The following PKD1L1 variants were observed in gnomAD, a reference collection of about 807,000 sequenced individuals.
PKD1L1 encodes the protein polycystin-1-like protein 1.
Under a neutral mutation model 323.4 loss-of-function variants are expected in PKD1L1, and 236 were observed. The ratio of observed to expected loss-of-function variants is 0.73; its 90% CI spans 0.66 to 0.81. PKD1L1 has a LOEUF of 0.81. Ranked by LOEUF, PKD1L1 falls within the 40% of genes least tolerant of loss-of-function variation. The pLI, the probability that PKD1L1 is intolerant of heterozygous loss-of-function variation, is 0.00. For missense variants in PKD1L1, 3,320 were observed against 3,508.0 expected, an observed-to-expected ratio of 0.95 and a Z score of 1.35; for synonymous variants, 1,344 against 1,335.0, an observed-to-expected ratio of 1.01 and a Z score of -0.15.
At chr7:47,779,930 T>C (rs1401508389) in intron 56 of PKD1L1, among the ~76,000 whole-genome samples, 1 of 152,218 alleles carries the variant, frequency 6.6e-6, no homozygotes, top group African/African-American at 2.4e-5. Flanking sequence ...ATTCTCTTGT[T>C]TGCTAGGAAA....
intron 41 of PKD1L1, among the ~76,000 whole-genome samples, chr7:47,831,997 C>T (rs1286309835): frequency 6.6e-6 from 1 of 152,218 alleles, no homozygotes; most frequent in Non-Finnish European, 1.5e-5. Flanking sequence ...CCCCATACAG[C>T]TCTTCATACC....
chr7:47,788,050 A>G, intron 56 of PKD1L1, among the ~76,000 whole-genome samples: 1 of 152,046 alleles, frequency 6.6e-6, no homozygotes, highest in East Asian at 1.9e-4. Flanking sequence ...TTTGTCCTTA[A>G]CCTTAGTAGT....
chr7:47,936,474 A>G (rs1310043811), intron 4 of PKD1L1, among the ~76,000 whole-genome samples: 1 of 152,216 alleles, frequency 6.6e-6, no homozygotes, highest in Admixed American at 6.5e-5. Flanking sequence ...TTCAAGGTTC[A>G]TCGAATGCTG....
At chr7:47,923,201 C>T (rs994107782) in intron 7 of PKD1L1, among the ~76,000 whole-genome samples, 7 of 152,084 alleles carry the variant, frequency 4.6e-5, no homozygotes, top group African/African-American at 1.4e-4. Context: ...CTGCGGAAGG[C>T]GGTGGGGCCC....
intron 6 of PKD1L1, among the ~76,000 whole-genome samples, 175 bp downstream of exon 6, chr7:47,930,929 G>A (rs1285651271): frequency 6.6e-6 from 1 of 152,232 alleles, no homozygotes; most frequent in Non-Finnish European, 1.5e-5. Context: ...GTCCCTGATG[G>A]CAAACAGTGG....
intron 55 of PKD1L1, 45 bp downstream of exon 55, chr7:47,795,944 G>T: frequency 6.4e-7 from 1 of 1,572,872 alleles, no homozygotes; most frequent in South Asian, 1.2e-5. Context: ...CCATCATCTT[G>T]AGTGTGTGCT....
At chr7:47,917,926 C>T (rs1041286496) in intron 7 of PKD1L1, among the ~76,000 whole-genome samples, 1 of 151,810 alleles carries the variant, frequency 6.6e-6, no homozygotes, top group Non-Finnish European at 1.5e-5. Flanking sequence ...AACCCAAAAC[C>T]AATAACTAAA....
chr7:47,787,000 T>G (rs1011243532), intron 56 of PKD1L1, among the ~76,000 whole-genome samples: 12 of 152,234 alleles, frequency 7.9e-5, no homozygotes, highest in African/African-American at 2.9e-4. Flanking sequence ...AGGTGGTTAT[T>G]GATAGCTCCA....
intron 34 of PKD1L1, among the ~76,000 whole-genome samples, chr7:47,841,311 A>T (rs1024744702): frequency 6.6e-6 from 1 of 152,220 alleles, no homozygotes; most frequent in African/African-American, 2.4e-5. Context: ...TAAGACCTCT[A>T]GTCTTCCCTA....
chr7:47,804,803 T>A (rs1784742826), intron 52 of PKD1L1, among the ~76,000 whole-genome samples: 1 of 152,140 alleles, frequency 6.6e-6, no homozygotes, highest in Non-Finnish European at 1.5e-5. Flanking sequence ...ATTTTCATAC[T>A]AAGTTTATGA....
At chr7:47,846,821 A>G in intron 32 of PKD1L1, 58 bp downstream of exon 32, 1 of 1,507,180 alleles carries the variant, frequency 6.6e-7, no homozygotes, top group Non-Finnish European at 8.9e-7. Flanking sequence ...GGCCAAATGC[A>G]GAAGACAAGG....
At chr7:47,851,590 T>C (rs1292281774) in intron 31 of PKD1L1, among the ~76,000 whole-genome samples, 1 of 152,180 alleles carries the variant, frequency 6.6e-6, no homozygotes, top group Admixed American at 6.5e-5. Flanking sequence ...CTTAAAATCA[T>C]GGGGTGACAG....
At chr7:47,821,006 G>T in intron 46 of PKD1L1, 70 bp downstream of exon 46, 1 of 880,930 alleles carries the variant, frequency 1.1e-6, no homozygotes, top group East Asian at 2.5e-5. Flanking sequence ...GTGAAACATG[G>T]GGAAGGTGCA....
intron 34 of PKD1L1, among the ~76,000 whole-genome samples, chr7:47,841,420 GTTC>G (rs1465523265): frequency 6.6e-6 from 1 of 152,112 alleles, no homozygotes; most frequent in Non-Finnish European, 1.5e-5. Context: ...CCCCTGCCTT[GTTC>G]TTCTCTTGAG....
chr7:47,831,185 C>T, intron 42 of PKD1L1, 32 bp downstream of exon 42: 1 of 1,598,480 alleles, frequency 6.3e-7, no homozygotes, highest in Non-Finnish European at 8.5e-7. Context: ...CATCTGAGGA[C>T]CTGAGGATGT....
intron 56 of PKD1L1, among the ~76,000 whole-genome samples, chr7:47,780,182 T>C (rs541967800): frequency 6.6e-6 from 1 of 152,294 alleles, no homozygotes; most frequent in Admixed American, 6.5e-5. Context: ...TTGACATTGA[T>C]ACAATTAACG....
chr7:47,912,078 T>C (rs1054422466), intron 8 of PKD1L1, among the ~76,000 whole-genome samples: 5 of 152,114 alleles, frequency 3.3e-5, no homozygotes, highest in African/African-American at 1.2e-4. Flanking sequence ...GAAATACTCA[T>C]AATAGATTAA....
intron 8 of PKD1L1, among the ~76,000 whole-genome samples, chr7:47,912,794 C>A (rs1472606934): frequency 1.9e-5 from 2 of 106,726 alleles, no homozygotes; most frequent in African/African-American, 3.8e-5. Flanking sequence ...CCAGCCTGGG[C>A]AACAGAGTGA....
chr7:47,848,786 C>T (rs1785719128), intron 31 of PKD1L1, among the ~76,000 whole-genome samples: 1 of 151,908 alleles, frequency 6.6e-6, no homozygotes, highest in Non-Finnish European at 1.5e-5. Context: ...GCCTGGGCAA[C>T]AAGAGTGAAA....
Sources: allele counts gnomAD v4.1 joint callset (sites outside exome capture counted in the v4.1 genomes callset), GRCh38; gene constraint gnomAD v4.1.1; transcripts MANE v1.5; gene names NCBI Gene and HGNC (gene_info 2026-07-23, HGNC 2026-07-21).